CILK1: variants seen among roughly 807,000 people sequenced by gnomAD.
The protein encoded by CILK1 is serine/threonine-protein kinase ICK.
CILK1 carries 47 observed loss-of-function variants against 79.2 expected under a neutral mutation model. The ratio of observed to expected loss-of-function variants is 0.59; its 90% CI spans 0.47 to 0.76. The LOEUF is 0.76. Ranked by LOEUF, CILK1 falls within the 30% of genes least tolerant of loss-of-function variation. The probability of loss-of-function intolerance (pLI) is 0.00; values close to 1 mark genes in which losing one functional copy is unlikely to be tolerated. For missense variants in CILK1, 660 were observed against 769.5 expected (o/e 0.86, Z 1.68); for synonymous variants, 266 against 275.9 (o/e 0.96, Z 0.36).
At chr6:53,035,791 C>T (rs1443889449) in intron 3 of CILK1, among the ~76,000 whole-genome samples, 1 of 152,150 alleles carries the variant, frequency 6.6e-6, no homozygotes, top group African/African-American at 2.4e-5. Context: ...CTTTCCCTTC[C>T]CCTTCTGAGT....
chr6:53,013,382 C>T (rs1363928677), intron 9 of CILK1, among the ~76,000 whole-genome samples: 1 of 152,206 alleles, frequency 6.6e-6, no homozygotes, highest in Non-Finnish European at 1.5e-5. Flanking sequence ...AACAGCAGAG[C>T]TGAGATTTGA....
At chr6:53,034,105 C>T (rs1198471162) in intron 3 of CILK1, among the ~76,000 whole-genome samples, 1 of 152,212 alleles carries the variant, frequency 6.6e-6, no homozygotes, top group Non-Finnish European at 1.5e-5. Flanking sequence ...TCTTTTATGC[C>T]TGTTTGCTTA....
chr6:53,058,952 T>C (rs1271510194), intron 1 of CILK1, among the ~76,000 whole-genome samples: 1 of 151,898 alleles, frequency 6.6e-6, no homozygotes, highest in Non-Finnish European at 1.5e-5. Context: ...GTAGTGTTCC[T>C]GGCAAGGTTC....
intron 12 of CILK1, among the ~76,000 whole-genome samples, chr6:53,008,792 T>G (rs925765328): frequency 6.6e-6 from 1 of 152,176 alleles, no homozygotes; most frequent in Admixed American, 6.5e-5. Context: ...ATCTCTTTCT[T>G]TTTTATTTTC....
At chr6:53,039,806 G>A (rs1174476190) in intron 2 of CILK1, among the ~76,000 whole-genome samples, 1 of 152,196 alleles carries the variant, frequency 6.6e-6, no homozygotes, top group Non-Finnish European at 1.5e-5. Context: ...GGGGAAAAAA[G>A]CCAGGAGCCC....
intron 12 of CILK1, among the ~76,000 whole-genome samples, chr6:53,008,756 G>A (rs1764387949): frequency 6.6e-6 from 1 of 152,188 alleles, no homozygotes; most frequent in Admixed American, 6.5e-5. Context: ...TAAGCTGGGT[G>A]ATGGCTACAC....
rs540341915 is a variant in CILK1, at chr6:53,018,085, CA to C, written c.663+244del. Among the ~76,000 whole-genome samples, 295 of 152,124 alleles carry C rather than the reference CA, an allele frequency of 1.9e-3. 2 individuals are homozygous for C. Among genetic ancestry groups the C allele is most frequent in the African/African-American group, 6.8e-3 (281 of 41,500 alleles). On this transcript the variant is annotated intron_variant, in intron 7 of 13. Coordinates refer to ENST00000676107, the MANE Select transcript of CILK1 (RefSeq NM_014920.5). ...TAGCAATGAGAACTGAGAAGTTCTG[CA>C]AGGGAGGTGAGATGATACAGAGAGG...
At chr6:53,011,651 A>C (rs1581947850) in intron 11 of CILK1, 118 bp downstream of exon 11, 1 of 977,966 alleles carries the variant, frequency 1.0e-6, no homozygotes, top group Non-Finnish European at 1.7e-6. Flanking sequence ...TGTTCCCCTC[A>C]GTTCTGAAGG....
chr6:53,053,283 T>G (rs1319678144), intron 1 of CILK1, among the ~76,000 whole-genome samples: 1 of 152,176 alleles, frequency 6.6e-6, no homozygotes, highest in East Asian at 1.9e-4. Flanking sequence ...CCTTGAGAAT[T>G]AGCATGTATT....
chr6:53,031,124 G>C lies in CILK1; in HGVS notation c.299C>G (p.Ser100Cys). ...CTGATACATGATATTCCTTATAGCA[G>C]ACTCAGGAAACAACTTATTTCTGTA... ...IKERNKLFPE[S>C]AIRNIMYQIL... The change falls in exon 5 of 14, where the codon TCT becomes TGT. Residue 100 changes from serine (S) to cysteine (C), a missense_variant. Transcript: ENST00000676107. 6.2e-7 allele frequency: 1 copy of C among 1,608,210 alleles called. No homozygotes were observed. The highest frequency in any genetic ancestry group is 8.5e-7 in the Non-Finnish European group (1 of 1,175,058).
intron 1 of CILK1, among the ~76,000 whole-genome samples, chr6:53,050,794 C>CT (rs1767430001): frequency 6.6e-6 from 1 of 151,752 alleles, no homozygotes; most frequent in Non-Finnish European, 1.5e-5. Flanking sequence ...CACCACTGCA[C>CT]TCCAGCCTGG....
rs909739597 is a variant in CILK1 at position 53,031,149 on chromosome 6, A to C, written c.279-5T>G. On this transcript the variant is annotated splice_region_variant and splice_polypyrimidine_tract_variant and intron_variant, in intron 4 of 13. Coordinates refer to ENST00000676107, the MANE Select transcript of CILK1 (RefSeq NM_014920.5). ...GACTCAGGAAACAACTTATTTCTGTATGAGGCAGAGGAAAACAAAGTTATA... is the reference window on the plus strand; with the variant it reads ...GACTCAGGAAACAACTTATTTCTGTCTGAGGCAGAGGAAAACAAAGTTATA... 6.3e-7 allele frequency: 1 copy of C among 1,582,754 alleles called. No individual in the cohort carries two copies. Among genetic ancestry groups the C allele is most frequent in the East Asian group, 2.2e-5 (1 of 44,714 alleles).
intron 5 of CILK1, among the ~76,000 whole-genome samples, chr6:53,028,298 A>G (rs373122390): frequency 7.9e-5 from 12 of 152,238 alleles, no homozygotes; most frequent in East Asian, 3.8e-4. Context: ...CCTGGGTGAC[A>G]GGGTGAAACT....
intron 1 of CILK1, among the ~76,000 whole-genome samples, chr6:53,045,074 A>C (rs1443236867): frequency 1.3e-5 from 2 of 151,932 alleles, no homozygotes; most frequent in Non-Finnish European, 2.9e-5. Context: ...AAAATGGTAG[A>C]AGAAGGGAAA....
intron 12 of CILK1, among the ~76,000 whole-genome samples, chr6:53,008,427 C>CT (rs1318627320): frequency 2.0e-3 from 282 of 140,582 alleles, no homozygotes; most frequent in South Asian, 2.7e-3. Context: ...CCAAGTTCAA[C>CT]TTTTTTTTTT....
chr6:53,018,852 A>G (rs1220093695), intron 6 of CILK1, among the ~76,000 whole-genome samples: 1 of 152,256 alleles, frequency 6.6e-6, no homozygotes, highest in African/African-American at 2.4e-5. Context: ...ACTTGTGTGT[A>G]GACTACTTGG....
intron 1 of CILK1, among the ~76,000 whole-genome samples, chr6:53,044,100 G>A (rs145109693): frequency 6.6e-6 from 1 of 152,240 alleles, no homozygotes; most frequent in East Asian, 1.9e-4. Flanking sequence ...GGTTTTGACT[G>A]GATTCTGTAC....
chr6:53,025,543 T>G (rs545653099), intron 5 of CILK1, among the ~76,000 whole-genome samples: 13 of 152,302 alleles, frequency 8.5e-5, no homozygotes, highest in Admixed American at 1.3e-4. Flanking sequence ...ACAGAGGACA[T>G]GCACACTAAT....
intron 1 of CILK1, among the ~76,000 whole-genome samples, chr6:53,049,902 G>A (rs1474116535): frequency 1.3e-5 from 2 of 151,864 alleles, no homozygotes; most frequent in East Asian, 1.9e-4. Flanking sequence ...TGTATTTTTC[G>A]TAGAGACGGG....
Sources: gnomAD v4.1 joint callset for allele counts (sites outside exome capture counted in the v4.1 genomes callset) on GRCh38, gnomAD v4.1.1 for gene constraint, MANE v1.5 for transcripts, NCBI Gene and HGNC (gene_info 2026-07-23, HGNC 2026-07-21) for gene names.